Variants in GCLC observed in about 807,000 individuals in gnomAD.
GCLC encodes the protein glutamate-cysteine ligase catalytic subunit, also known as glutamate--cysteine ligase catalytic subunit.
A neutral mutation model predicts 81.5 loss-of-function variants in GCLC; 30 were observed. The ratio of observed to expected loss-of-function variants is 0.37; its 90% CI spans 0.28 to 0.50. The LOEUF is 0.50. Among genes scored for constraint, GCLC ranks in the 20% least tolerant of loss-of-function variants. GCLC has a pLI of 0.96. For missense variants in GCLC, 556 were observed against 777.4 expected (o/e 0.72, Z 3.39); for synonymous variants, 262 against 273.3 (o/e 0.96, Z 0.41).
intron 1 of GCLC, among the ~76,000 whole-genome samples, chr6:53,525,001 TTAAAGTA>T (rs749472508): frequency 1.3e-5 from 2 of 152,158 alleles, no homozygotes; most frequent in Non-Finnish European, 2.9e-5. Context: ...CTCTCCTCAA[TTAAAGTA>T]TAATCACTTC....
At chr6:53,516,629 T>A (rs1764877893) in intron 3 of GCLC, among the ~76,000 whole-genome samples, 1 of 152,092 alleles carries the variant, frequency 6.6e-6, no homozygotes, top group Non-Finnish European at 1.5e-5. Flanking sequence ...ATCTCTAAAC[T>A]CTCAGATTAT....
At chr6:53,508,453 A>G in intron 8 of GCLC, 142 bp downstream of exon 8, 1 of 727,608 alleles carries the variant, frequency 1.4e-6, no homozygotes, top group Admixed American at 1.9e-5. Flanking sequence ...ATACGATAAA[A>G]ATTAACTCCC....
intron 1 of GCLC, among the ~76,000 whole-genome samples, chr6:53,542,739 G>A (rs546928455): frequency 2.6e-5 from 4 of 152,274 alleles, no homozygotes; most frequent in Middle Eastern, 6.8e-3. Flanking sequence ...CACAGGGCCC[G>A]GCACATTGGC....
At chr6:53,532,375 A>G (rs1204608667) in intron 1 of GCLC, among the ~76,000 whole-genome samples, 4 of 152,242 alleles carry the variant, frequency 2.6e-5, no homozygotes. Flanking sequence ...AACTATGTAT[A>G]AAGCGATCTG....
rs1202406735 is a variant in GCLC, at chr6:53,500,364, G to A, written c.1478-14C>T. 54 of 1,612,766 alleles carry A rather than the reference G, an allele frequency of 3.3e-5. No homozygotes were observed. Among genetic ancestry groups the A allele is most frequent in the Non-Finnish European group, 4.5e-5 (53 of 1,178,898 alleles). ...CTGCATTGCCACCTGCCGGAGAAGAGGGTCAGGGGAGCTTTAGCAGCTTGT... is the reference window on the plus strand; with the variant it reads ...CTGCATTGCCACCTGCCGGAGAAGAAGGTCAGGGGAGCTTTAGCAGCTTGT... On this transcript the variant is annotated splice_polypyrimidine_tract_variant and intron_variant, in intron 13 of 15. Coordinates refer to ENST00000650454, the MANE Select transcript of GCLC (RefSeq NM_001498.4).
At chr6:53,504,817 CCT>C (rs1215914753) in intron 12 of GCLC, among the ~76,000 whole-genome samples, 2 of 152,222 alleles carry the variant, frequency 1.3e-5, no homozygotes, top group Non-Finnish European at 2.9e-5. Context: ...GCGGCAGGGC[CCT>C]CTCTATTTAG....
chr6:53,526,863 A>G (rs1763092373), intron 1 of GCLC, among the ~76,000 whole-genome samples: 1 of 152,120 alleles, frequency 6.6e-6, no homozygotes, highest in African/African-American at 2.4e-5. Flanking sequence ...TAATTTCTTA[A>G]TATCTACTCC....
At chr6:53,510,284 C>T (rs1764711992) in intron 6 of GCLC, 2 of 151,916 alleles carry the variant, frequency 1.3e-5, no homozygotes, top group African/African-American at 2.4e-5. Flanking sequence ...GAAGAAAAAC[C>T]CGAGTTGTAG....
At chr6:53,532,393 G>A (rs1430988457) in intron 1 of GCLC, among the ~76,000 whole-genome samples, 1 of 152,212 alleles carries the variant, frequency 6.6e-6, no homozygotes, top group Non-Finnish European at 1.5e-5. Flanking sequence ...CTGCGTATAG[G>A]CCTCAAATAT....
intron 4 of GCLC, 70 bp downstream of exon 4, chr6:53,516,039 A>G: frequency 1.1e-6 from 1 of 927,958 alleles, no homozygotes; most frequent in South Asian, 1.3e-5. Flanking sequence ...TTCTAGACAG[A>G]AATACTATAC....
intron 15 of GCLC, among the ~76,000 whole-genome samples, chr6:53,499,548 C>T (rs1764462083): frequency 1.3e-5 from 2 of 152,162 alleles, no homozygotes; most frequent in Admixed American, 6.5e-5. Flanking sequence ...ACTTTATTAA[C>T]AGCTGACAGC....
chr6:53,502,929 TTAA>T (rs1561938112), intron 12 of GCLC, among the ~76,000 whole-genome samples: 1 of 152,238 alleles, frequency 6.6e-6, no homozygotes, highest in Non-Finnish European at 1.5e-5. Context: ...TTCTATACTA[TTAA>T]TAGTTTTCCT....
intron 12 of GCLC, among the ~76,000 whole-genome samples, chr6:53,503,886 G>A (rs1476144488): frequency 6.6e-6 from 1 of 151,970 alleles, no homozygotes; most frequent in Admixed American, 6.6e-5. Context: ...TCTTCATTTG[G>A]TCTTTTAAAT....
intron 7 of GCLC, 42 bp from the exon 8 acceptor site, chr6:53,508,753 C>A: frequency 7.8e-7 from 1 of 1,289,636 alleles, no homozygotes; most frequent in South Asian, 1.2e-5. Context: ...TTCAAAGTGT[C>A]ACTTACATGC....
At position 53,498,892 on chromosome 6, in the gene GCLC, A is replaced by C; in HGVS notation, c.1778T>G (p.Ile593Arg). Reference sequence around the variant, plus strand: ...AAGGCTATAATTCATTTCATCAGTTATGACACTGTCTTGCTTGTAGTCAGG... The same window carrying C: ...AAGGCTATAATTCATTTCATCAGTTCTGACACTGTCTTGCTTGTAGTCAGG... ...NHPDYKQDSV[I>R]TDEMNYSLIL... Residue 593 changes from isoleucine to arginine, a missense_variant, in exon 16 of 16, where the codon ATA (isoleucine) becomes AGA (arginine). By Grantham distance (97) the Ile-to-Arg change is moderately conservative. Coordinates refer to ENST00000650454, the MANE Select transcript of GCLC (RefSeq NM_001498.4). 6.2e-7 allele frequency: 1 copy of C among 1,612,856 alleles called. No homozygotes were observed. The highest frequency in any genetic ancestry group is 8.5e-7 in the Non-Finnish European group (1 of 1,178,884).
In GCLC at chr6:53,507,582, G is replaced by T; in HGVS notation, c.982C>A (p.Arg328=). ...AAATAGCTGTCTATTGAGTCATATC[G>T]GGATTTACTGATCCTATAGTTATTG... is the stretch of plus-strand genomic sequence containing the variant. ...KNNNYRISKS[R]YDSIDSYLSK... Residue 328 remains arginine, a synonymous_variant, in exon 9 of 16, where the codon CGA becomes AGA. Transcript: ENST00000650454. 1 of 1,562,798 alleles carries T rather than the reference G, an allele frequency of 6.4e-7. No homozygotes were observed. Among genetic ancestry groups the T allele is most frequent in the Non-Finnish European group, 8.8e-7 (1 of 1,133,856 alleles).
At chr6:53,511,189 G>GAA (rs1289044756) in intron 6 of GCLC, among the ~76,000 whole-genome samples, 1 of 93,292 alleles carries the variant, frequency 1.1e-5, no homozygotes, top group Non-Finnish European at 2.1e-5. Flanking sequence ...GAGAATCTTG[G>GAA]AAAAAAAAAA....
chr6:53,527,093 C>A (rs1383542131), intron 1 of GCLC, among the ~76,000 whole-genome samples: 1 of 152,132 alleles, frequency 6.6e-6, no homozygotes, highest in Non-Finnish European at 1.5e-5. Context: ...GCTGTGAGGT[C>A]CTACATTCCT....
At chr6:53,520,465 C>T (rs893947974) in intron 3 of GCLC, among the ~76,000 whole-genome samples, 1 of 152,192 alleles carries the variant, frequency 6.6e-6, no homozygotes, top group Admixed American at 6.5e-5. Context: ...GTGTGGCAGG[C>T]GTGCTGCTCC....
Sources: gnomAD v4.1 joint callset for allele counts (sites outside exome capture counted in the v4.1 genomes callset) on GRCh38, gnomAD v4.1.1 for gene constraint, MANE v1.5 for transcripts, NCBI Gene and HGNC (gene_info 2026-07-23, HGNC 2026-07-21) for gene names.